RASGEF1C: variants seen among roughly 807,000 people sequenced by gnomAD.
RASGEF1C encodes RasGEF domain family member 1C, also known as ras-GEF domain-containing family member 1C.
In RASGEF1C, 27 loss-of-function variants were observed where a neutral mutation model predicts 58.1. That is an observed-to-expected ratio of 0.46 (90% CI 0.34 to 0.64). The LOEUF (loss-of-function observed/expected upper bound fraction) is 0.64. Ranked by LOEUF, RASGEF1C falls within the 30% of genes least tolerant of loss-of-function variation. The pLI, the probability that RASGEF1C is intolerant of heterozygous loss-of-function variation, is 0.01. For synonymous variants in RASGEF1C, 243 were observed against 246.3 expected, an observed-to-expected ratio of 0.99 and a Z score of 0.13; for missense variants, 502 against 605.1, an observed-to-expected ratio of 0.83 and a Z score of 1.79.
chr5:180,152,530 A>G (rs1184177214), intron 1 of RASGEF1C, among the ~76,000 whole-genome samples: 3 of 127,208 alleles, frequency 2.4e-5, no homozygotes, highest in East Asian at 2.4e-4. Flanking sequence ...ACATGGACAC[A>G]GGAAGGGGAA....
At chr5:180,173,884 G>A (rs559739525) in intron 1 of RASGEF1C, among the ~76,000 whole-genome samples, 34 of 148,812 alleles carry the variant, frequency 2.3e-4, no homozygotes, top group Non-Finnish European at 3.2e-4. Flanking sequence ...CTGCACTCCA[G>A]CCTGGGCAAC....
chr5:180,167,491 A>C (rs1290464089), intron 1 of RASGEF1C, among the ~76,000 whole-genome samples: 1 of 152,004 alleles, frequency 6.6e-6, no homozygotes, highest in East Asian at 1.9e-4. Flanking sequence ...CCTGTCTCTA[A>C]ATAAATAAAT....
At chr5:180,115,290 T>A (rs4700873) in intron 10 of RASGEF1C, 100,564 of 395,700 alleles carry the variant, frequency 0.25, 7,367 homozygotes, top group East Asian at 0.41. Flanking sequence ...GCCTCCTTTT[T>A]AAAAAAAAAA....
intron 1 of RASGEF1C, among the ~76,000 whole-genome samples, chr5:180,192,816 C>T (rs1756190320): frequency 6.6e-6 from 1 of 151,524 alleles, no homozygotes; most frequent in Non-Finnish European, 1.5e-5. Context: ...GCAATCTCGG[C>T]TCACTGCAAG....
chr5:180,146,953 G>A (rs765605001), intron 1 of RASGEF1C, among the ~76,000 whole-genome samples: 1 of 152,000 alleles, frequency 6.6e-6, no homozygotes, highest in Admixed American at 6.6e-5. Context: ...CTTTTTTGTT[G>A]TTGGAAGGCT....
In RASGEF1C at chr5:180,102,094, T is replaced by C; in HGVS notation, c.1353A>G (p.Glu451=). The change falls in exon 13 of 14, where the codon GAA becomes GAG. Residue 451 remains glutamate (E), a synonymous_variant. Transcript: ENST00000361132. ...ACCTTAGAGCTTTCCATCTTTCTTT[T>C]TCTGTTTGGTTCTCTGGGCTCTCAC... ...YESESPENQT[E]KERWKALRSS... is the part of the protein sequence containing the mutation. The C allele has an allele frequency of 6.2e-7, 1 of 1,604,196 alleles. No homozygotes were observed. Among genetic ancestry groups the C allele is most frequent in the Non-Finnish European group, 8.5e-7 (1 of 1,170,912 alleles).
Position 180,115,407 on chromosome 5 carries a change from AAAAG to A in RASGEF1C, c.1084-870_1084-867del, listed in dbSNP as rs1766049552. 8.5e-6 allele frequency: 3 copies of A among 352,930 alleles called. No homozygotes were observed. The Admixed American group carries it at 1.1e-4, about 13-fold the overall frequency. The allele number at this position is 352,930 out of a possible 1,614,324, so 21.9% of individuals were successfully genotyped here. A position where few individuals can be genotyped will look rare whatever the true frequency, so the allele number is the denominator to read the frequency against. ...CAATTCTTGCTCCACTGCCTGAAGG[AAAAG>A]AAAGGCTCACGGACCCCGCCTGTGA... On this transcript the variant is annotated intron_variant, in intron 10 of 13. Transcript: ENST00000361132.
chr5:180,154,451 CACTT>C (rs1459743358), intron 1 of RASGEF1C, among the ~76,000 whole-genome samples: 1 of 152,200 alleles, frequency 6.6e-6, no homozygotes, highest in Non-Finnish European at 1.5e-5. Flanking sequence ...ATGTCAGTGT[CACTT>C]AATCCTTAAA....
At position 180,101,651 on chromosome 5, in the gene RASGEF1C, T is replaced by C. The variant is rs1765786788; in HGVS notation, c.1377-126A>G. The C allele has an allele frequency of 2.5e-6, 3 of 1,184,396 alleles. No individual in the cohort carries two copies. The South Asian group carries it at 4.0e-5, about 16-fold the overall frequency. The allele number at this position is 1,184,396 out of a possible 1,614,324, so 73.4% of individuals were successfully genotyped here. A position where few individuals can be genotyped will look rare whatever the true frequency, so the allele number is the denominator to read the frequency against. On this transcript the variant is annotated intron_variant, in intron 13 of 13. Coordinates refer to ENST00000361132, the MANE Select transcript of RASGEF1C (RefSeq NM_175062.4). Reference sequence around the variant, plus strand: ...CCAGCCTCCTGCCCCAGAGGGGTGTTCTGCAAATCCCTGGGGCTCAGCCCT... The same window carrying C: ...CCAGCCTCCTGCCCCAGAGGGGTGTCCTGCAAATCCCTGGGGCTCAGCCCT...
chr5:180,110,977 G>A (rs749927211), intron 12 of RASGEF1C, among the ~76,000 whole-genome samples: 22 of 152,174 alleles, frequency 1.4e-4, no homozygotes, highest in Non-Finnish European at 1.6e-4. Context: ...TACAACGCCC[G>A]GCTAATTTTT....
intron 1 of RASGEF1C, among the ~76,000 whole-genome samples, chr5:180,152,084 G>C (rs1299236489): frequency 5.3e-5 from 8 of 150,888 alleles, no homozygotes; most frequent in Admixed American, 1.3e-4. Flanking sequence ...TGCTGGAGAG[G>C]ATGTGGAGAA....
At chr5:180,151,250 G>T (rs922702829) in intron 1 of RASGEF1C, among the ~76,000 whole-genome samples, 2 of 152,048 alleles carry the variant, frequency 1.3e-5, no homozygotes, top group African/African-American at 4.8e-5. Context: ...AAAGACCCCC[G>T]CATTGCCAAG....
chr5:180,120,556 G>A (rs910477477), intron 7 of RASGEF1C, among the ~76,000 whole-genome samples: 1 of 152,130 alleles, frequency 6.6e-6, no homozygotes, highest in Non-Finnish European at 1.5e-5. Flanking sequence ...AGGAGGACGG[G>A]TGGGTGTGGC....
In RASGEF1C at chr5:180,119,514, C is replaced by T. The variant is rs897517846; in HGVS notation, c.805-66G>A. 113 of 1,241,540 alleles carry T rather than the reference C, an allele frequency of 9.1e-5. 2 individuals carry two copies. The Admixed American group carries it at 2.0e-3, about 22-fold the overall frequency. The allele number at this position is 1,241,540 out of a possible 1,614,324, so 76.9% of individuals were successfully genotyped here. A position where few individuals can be genotyped will look rare whatever the true frequency, so the allele number is the denominator to read the frequency against. ...CACCCTGCCCTGATCAGGCCCGCTC[C>T]CCTCACCTGGCCCGCTTCACCTTCT... On this transcript the variant is annotated intron_variant, in intron 7 of 13. Coordinates refer to ENST00000361132, the MANE Select transcript of RASGEF1C (RefSeq NM_175062.4).
At position 180,122,035 on chromosome 5, in the gene RASGEF1C, G is replaced by A. The variant is rs143274209; in HGVS notation, c.715-886C>T. 5.1e-3 allele frequency among the ~76,000 whole-genome samples: 780 copies of A among 152,276 alleles called. 6 individuals are homozygous for A. Among genetic ancestry groups the A allele is most frequent in the African/African-American group, 0.018 (740 of 41,540 alleles). Reference sequence around the variant, plus strand: ...CACAGAGAAAATGTGTGTGACATCAGCATTCAGCTGTGAGTAACAGCACTG... The same window carrying A: ...CACAGAGAAAATGTGTGTGACATCAACATTCAGCTGTGAGTAACAGCACTG... On this transcript the variant is annotated intron_variant, in intron 6 of 13. Transcript: ENST00000361132.
intron 5 of RASGEF1C, 40 bp downstream of exon 5, chr5:180,128,370 G>A (rs773560999): frequency 2.6e-5 from 41 of 1,565,118 alleles, no homozygotes; most frequent in Non-Finnish European, 3.5e-5. Context: ...TGTGTGTCCT[G>A]CTGAATCCCG....
intron 1 of RASGEF1C, among the ~76,000 whole-genome samples, chr5:180,182,409 A>G (rs956280715): frequency 6.6e-6 from 1 of 152,006 alleles, no homozygotes; most frequent in African/African-American, 2.4e-5. Flanking sequence ...GAGCAGCCGC[A>G]AGATTTATTG....
At chr5:180,132,701 T>C (rs1031440472) in intron 4 of RASGEF1C, among the ~76,000 whole-genome samples, 8 of 152,144 alleles carry the variant, frequency 5.3e-5, no homozygotes, top group Non-Finnish European at 1.0e-4. Flanking sequence ...CCGGGCGCGG[T>C]GGCTCATGCC....
chr5:180,111,344 G>A (rs1765955582), intron 12 of RASGEF1C, 113 bp downstream of exon 12: 7 of 1,413,748 alleles, frequency 5.0e-6, no homozygotes, highest in Non-Finnish European at 6.8e-6. Context: ...AGCCAGCCCA[G>A]GTGGGCAGGG....
Sources: allele counts gnomAD v4.1 joint callset (sites outside exome capture counted in the v4.1 genomes callset), GRCh38; gene constraint gnomAD v4.1.1; transcripts MANE v1.5; gene names NCBI Gene and HGNC (gene_info 2026-07-23, HGNC 2026-07-21).